Variants in TRA2A observed in about 807,000 individuals in gnomAD.
The protein encoded by TRA2A is transformer 2 alpha homolog, also known as transformer-2 protein homolog alpha.
A neutral mutation model predicts 45.7 loss-of-function variants in TRA2A; 31 were observed. The ratio of observed to expected loss-of-function variants is 0.68; its 90% CI spans 0.51 to 0.92. The LOEUF (loss-of-function observed/expected upper bound fraction) is 0.92, where lower values mean the gene tolerates loss of function less well. TRA2A is among the 40% of genes least tolerant of loss of function. TRA2A has a pLI of 0.00. For missense variants in TRA2A, 304 were observed against 367.5 expected (o/e 0.83, Z 1.41); for synonymous variants, 132 against 126.2 (o/e 1.05, Z -0.31).
At chr7:23,512,773 T>TA (rs201252500) in intron 4 of TRA2A, 121 bp downstream of exon 4, 42,309 of 694,230 alleles carry the variant, frequency 0.061, no homozygotes, top group Non-Finnish European at 0.067. Context: ...ATCCTATCTT[T>TA]AAAAAAAAAA....
At chr7:23,529,783 A>G (rs1455278630) in intron 1 of TRA2A, among the ~76,000 whole-genome samples, 1 of 151,994 alleles carries the variant, frequency 6.6e-6, no homozygotes, top group Non-Finnish European at 1.5e-5. Flanking sequence ...GGGCCGTAAG[A>G]GGGCCCTTTA....
intron 1 of TRA2A, 144 bp downstream of exon 1, chr7:23,531,642 CCAT>C: frequency 1.3e-6 from 1 of 793,590 alleles, no homozygotes; most frequent in South Asian, 1.6e-5. Context: ...AACCCAGAAG[CCAT>C]CTTGGGATGG....
In TRA2A at chr7:23,521,689, T is replaced by A; in HGVS notation, c.170+18A>T. On this transcript the variant is annotated intron_variant, in intron 2 of 7. Transcript: ENST00000297071. ...AACCCCAGAAGAATATTTTAAGTAT[T>A]ATCTTAAACACACTTACCTGGATTT... The A allele has an allele frequency of 6.2e-7, 1 of 1,612,618 alleles. No homozygotes were observed. The highest frequency in any genetic ancestry group is 1.1e-5 in the South Asian group (1 of 90,936).
At chr7:23,513,145 T>C in intron 3 of TRA2A, 63 bp from the exon 4 acceptor site, 1 of 1,236,368 alleles carries the variant, frequency 8.1e-7, no homozygotes, top group East Asian at 2.4e-5. Flanking sequence ...AACACAGAAA[T>C]ACTTTGTTTA....
chr7:23,529,808 A>C (rs1036292542), intron 1 of TRA2A, among the ~76,000 whole-genome samples: 1 of 151,774 alleles, frequency 6.6e-6, no homozygotes, highest in Non-Finnish European at 1.5e-5. Flanking sequence ...TATTAAATAA[A>C]TCTTTAATGC....
Position 23,531,802 on chromosome 7 carries a change from T to C in TRA2A, c.23A>G (p.Asn8Ser). 6.2e-7 allele frequency: 1 copy of C among 1,613,752 alleles called. No individual in the cohort carries two copies. The highest frequency in any genetic ancestry group is 1.1e-5 in the South Asian group (1 of 91,088). Residue 8 changes from asparagine (N) to serine (S), a missense_variant, in exon 1 of 8, where the codon AAC becomes AGC. Around this residue, in one of 3 missense-constraint regions of TRA2A, gnomAD observed 132 missense variants for 113.4 expected, o/e 1.16. Transcript: ENST00000297071. ...CTTTGTACTCACTCTGCCCTCGAAG[T>C]TGTTTTCCTCCACATCACTCATGTC... MSDVEENNFEGRESRSQS... is the reference protein window; with the variant it reads MSDVEENSFEGRESRSQS...
At chr7:23,511,153 C>T (rs1166094128) in intron 4 of TRA2A, among the ~76,000 whole-genome samples, 1 of 151,714 alleles carries the variant, frequency 6.6e-6, no homozygotes, top group Non-Finnish European at 1.5e-5. Context: ...GGGTGGATCA[C>T]GAGGTCAGGA....
chr7:23,515,089 T>G (rs1045937591), intron 3 of TRA2A, among the ~76,000 whole-genome samples: 1 of 152,186 alleles, frequency 6.6e-6, no homozygotes, highest in African/African-American at 2.4e-5. Context: ...GTGTACTGAA[T>G]AAAAGTGTTA....
chr7:23,508,974 T>C (rs1235087541), intron 4 of TRA2A, among the ~76,000 whole-genome samples: 3 of 152,134 alleles, frequency 2.0e-5, no homozygotes, highest in African/African-American at 7.2e-5. Context: ...GAGTATTATT[T>C]GTTTCTGGGA....
chr7:23,528,412 T>C (rs1038818041), intron 1 of TRA2A, among the ~76,000 whole-genome samples: 1 of 152,222 alleles, frequency 6.6e-6, no homozygotes, highest in East Asian at 1.9e-4. Flanking sequence ...TTCACCATAT[T>C]GGCCAGGATG....
At chr7:23,512,792 A>G in intron 4 of TRA2A, 102 bp downstream of exon 4, 1 of 1,042,658 alleles carries the variant, frequency 9.6e-7, no homozygotes, top group Non-Finnish European at 1.3e-6. Flanking sequence ...AAAAAAGAAA[A>G]AAAGGAAGAA....
intron 4 of TRA2A, among the ~76,000 whole-genome samples, chr7:23,508,896 G>GC (rs1436537345): frequency 1.3e-5 from 2 of 152,134 alleles, no homozygotes; most frequent in Non-Finnish European, 2.9e-5. Context: ...AATAGCATGA[G>GC]CCGCCTTGCA....
intron 6 of TRA2A, 67 bp from the exon 7 acceptor site, chr7:23,505,880 A>C (rs1312553067): frequency 1.0e-6 from 1 of 974,092 alleles, no homozygotes; most frequent in Non-Finnish European, 1.5e-6. Flanking sequence ...GAAAATAAAA[A>C]TTCCTCATCA....
intron 4 of TRA2A, among the ~76,000 whole-genome samples, chr7:23,509,900 C>T (rs896464378): frequency 2.0e-5 from 3 of 151,974 alleles, no homozygotes; most frequent in African/African-American, 7.3e-5. Flanking sequence ...GTGGTGCGCA[C>T]CTGTTGTCCC....
At chr7:23,507,911 T>C (rs893104882) in intron 4 of TRA2A, among the ~76,000 whole-genome samples, 1 of 152,212 alleles carries the variant, frequency 6.6e-6, no homozygotes, top group Non-Finnish European at 1.5e-5. Context: ...CTGAAGTCTT[T>C]TCAAGCTAAA....
At chr7:23,514,728 C>T (rs1330604473) in intron 3 of TRA2A, among the ~76,000 whole-genome samples, 2 of 152,036 alleles carry the variant, frequency 1.3e-5, no homozygotes, top group African/African-American at 4.8e-5. Flanking sequence ...CCCAAGTAGT[C>T]GGGATTACAA....
At chr7:23,519,994 G>C (rs910138471) in intron 2 of TRA2A, among the ~76,000 whole-genome samples, 2 of 152,234 alleles carry the variant, frequency 1.3e-5, no homozygotes, top group African/African-American at 4.8e-5. Flanking sequence ...TTGGGAGGCC[G>C]AGGTGGGCGG....
At chr7:23,512,466 C>CT (rs1413220984) in intron 4 of TRA2A, among the ~76,000 whole-genome samples, 102 of 150,336 alleles carry the variant, frequency 6.8e-4, no homozygotes, top group African/African-American at 1.9e-3. Context: ...AAGATCCTAT[C>CT]TTTTTTTTTT....
intron 2 of TRA2A, among the ~76,000 whole-genome samples, chr7:23,516,833 G>T (rs1243147775): frequency 6.6e-6 from 1 of 152,120 alleles, no homozygotes; most frequent in Non-Finnish European, 1.5e-5. Flanking sequence ...ATCGTGGCCG[G>T]GTGCGGTGGC....
Sources: gnomAD v4.1 joint callset for allele counts (sites outside exome capture counted in the v4.1 genomes callset) on GRCh38, gnomAD v4.1.1 for gene constraint, gnomAD v4.1.1 regional missense constraint, MANE v1.5 for transcripts, NCBI Gene and HGNC (gene_info 2026-07-23, HGNC 2026-07-21) for gene names.